The following PECAM1 variants were observed in gnomAD, a reference collection of about 807,000 sequenced individuals.
PECAM1 encodes platelet and endothelial cell adhesion molecule 1.
A neutral mutation model predicts 13.8 loss-of-function variants in PECAM1; 8 were observed. That is an observed-to-expected ratio of 0.58 (90% CI 0.34 to 1.05). The LOEUF (loss-of-function observed/expected upper bound fraction) is 1.05. Among genes scored for constraint, PECAM1 ranks in the 50% least tolerant of loss-of-function variants. The pLI, the probability that PECAM1 is intolerant of heterozygous loss-of-function variation, is 0.03. For synonymous variants in PECAM1, 136 were observed against 52.6 expected (o/e 2.58, Z -6.86); for missense variants, 304 against 141.2 (o/e 2.15, Z -5.84).
In PECAM1 at chr17:64,319,603, G is replaced by A. The variant is rs1318449611; in HGVS notation, c.*4213C>T. On this transcript the variant is annotated 3_prime_UTR_variant, in exon 16 of 16. Transcript: ENST00000563924. ...CTCCCCTGATTCTTCCCTTGCAGCA[G>A]GCTGTCCGCGTATGTGGTGACCTGC... The A allele has an allele frequency of 6.6e-6, 1 of 152,136 alleles. No homozygotes were observed. The highest frequency in any genetic ancestry group is 1.5e-5 in the Non-Finnish European group (1 of 68,032). 9.4% of individuals were successfully genotyped at this position (152,136 alleles called of 1,614,324 possible). A position where few individuals can be genotyped will look rare whatever the true frequency, so the allele number is the denominator to read the frequency against.
chr17:64,361,813 A>G (rs1172997965), intron 6 of PECAM1, among the ~76,000 whole-genome samples: 2 of 151,918 alleles, frequency 1.3e-5, no homozygotes, highest in Non-Finnish European at 2.9e-5. Context: ...GCCTCTTAAC[A>G]GATAAGAATT....
Position 64,341,616 on chromosome 17 carries a change from C to G in PECAM1, c.2164+18G>C, listed in dbSNP as rs2035433276. 2.2e-6 allele frequency: 1 copy of G among 447,308 alleles called. No individual in the cohort carries two copies. The highest frequency in any genetic ancestry group is 2.0e-5 in the African/African-American group (1 of 49,862). 27.7% of individuals were successfully genotyped at this position (447,308 alleles called of 1,614,324 possible). On this transcript the variant is annotated intron_variant, in intron 14 of 15. Coordinates refer to ENST00000563924, the MANE Select transcript of PECAM1 (RefSeq NM_000442.5). Reference sequence around the variant, plus strand: ...AGGGGGCATCCCCCAGGCTGGGGCACTGGAGACCCTCACTCACCAGGGACA... The same window carrying G: ...AGGGGGCATCCCCCAGGCTGGGGCAGTGGAGACCCTCACTCACCAGGGACA...
At chr17:64,346,425 C>T (rs1054401051) in intron 13 of PECAM1, among the ~76,000 whole-genome samples, 2 of 152,164 alleles carry the variant, frequency 1.3e-5, no homozygotes, top group South Asian at 2.1e-4. Flanking sequence ...CAACCTCTGC[C>T]TCCCGGGTTC....
chr17:64,371,785 G>A (rs1405324680), intron 4 of PECAM1, among the ~76,000 whole-genome samples: 2 of 152,110 alleles, frequency 1.3e-5, no homozygotes, highest in East Asian at 1.9e-4. Context: ...AGCCGAGATT[G>A]CGCCACTGCA....
At chr17:64,326,674 G>A (rs1359706621) in intron 15 of PECAM1, among the ~76,000 whole-genome samples, 2 of 152,206 alleles carry the variant, frequency 1.3e-5, no homozygotes, top group Non-Finnish European at 2.9e-5. Flanking sequence ...GGGCACCATT[G>A]CAGAACCAAA....
At chr17:64,369,075 T>C (rs1454965064) in intron 5 of PECAM1, among the ~76,000 whole-genome samples, 1 of 151,186 alleles carries the variant, frequency 6.6e-6, no homozygotes, top group Non-Finnish European at 1.5e-5. Context: ...TAGGTGAGAT[T>C]ACAGGCATGC....
intron 4 of PECAM1, among the ~76,000 whole-genome samples, chr17:64,373,526 C>CTGTGTGTG (rs199493363): frequency 3.8e-4 from 56 of 149,020 alleles, no homozygotes; most frequent in South Asian, 1.9e-3. Context: ...GATGTTTTTT[C>CTGTGTGTG]TGTGTGTGTG....
chr17:64,373,105 T>G (rs2036278533), intron 4 of PECAM1, among the ~76,000 whole-genome samples: 1 of 131,794 alleles, frequency 7.6e-6, no homozygotes, highest in South Asian at 2.7e-4. Flanking sequence ...AGAGTGAAAC[T>G]CTGTCTCAAA....
Position 64,321,318 on chromosome 17 carries a change from G to C in PECAM1, c.*2498C>G, listed in dbSNP as rs569010407. The C allele has an allele frequency of 1.9e-6, 1 of 520,986 alleles. No individual in the cohort carries two copies. The highest frequency in any genetic ancestry group is 2.1e-5 in the African/African-American group (1 of 48,338). 32.3% of individuals were successfully genotyped at this position (520,986 alleles called of 1,614,324 possible). A position where few individuals can be genotyped will look rare whatever the true frequency, so the allele number is the denominator to read the frequency against. ...GGGATGCTTCAGGTTTAGACACCGG[G>C]GTTACGGCAGCTGCCGAGGAAGGCT... On this transcript the variant is annotated 3_prime_UTR_variant, in exon 16 of 16. Transcript: ENST00000563924.
intron 4 of PECAM1, among the ~76,000 whole-genome samples, chr17:64,374,823 G>A: frequency 6.6e-6 from 1 of 151,202 alleles, no homozygotes. Context: ...CAAACAAAAA[G>A]CATCATATAT....
intron 2 of PECAM1, among the ~76,000 whole-genome samples, chr17:64,387,031 C>T (rs1344707950): frequency 6.6e-6 from 1 of 151,978 alleles, no homozygotes; most frequent in Non-Finnish European, 1.5e-5. Flanking sequence ...GAGACCAGGA[C>T]AGGGTTCAGA....
intron 4 of PECAM1, among the ~76,000 whole-genome samples, chr17:64,371,499 C>T (rs1392847701): frequency 2.0e-5 from 3 of 151,756 alleles, no homozygotes; most frequent in African/African-American, 7.3e-5. Flanking sequence ...ATGGTGAGAC[C>T]CTCCATCTCA....
intron 2 of PECAM1, among the ~76,000 whole-genome samples, chr17:64,386,433 T>A (rs9889944): frequency 0.88 from 132,583 of 149,978 alleles, 60,965 homozygotes; most frequent in East Asian, 1. Context: ...AAAGAAAGAA[T>A]ATGTTCTAGA....
intron 4 of PECAM1, among the ~76,000 whole-genome samples, chr17:64,374,081 C>T (rs2143862317): frequency 6.6e-6 from 1 of 152,250 alleles, no homozygotes; most frequent in Non-Finnish European, 1.5e-5. Context: ...CCTCTTTCCT[C>T]CCGATCCCCT....
Position 64,375,055 on chromosome 17 carries a change from C to T in PECAM1, c.687G>A (p.Val229=). The T allele has an allele frequency of 2.1e-6, 1 of 475,286 alleles. No individual in the cohort carries two copies. Among genetic ancestry groups the T allele is most frequent in the Non-Finnish European group, 3.9e-6 (1 of 259,018 alleles). 29.4% of individuals were successfully genotyped at this position (475,286 alleles called of 1,614,324 possible). The change falls in exon 4 of 16, where the codon GTG becomes GTA. Residue 229 remains valine (V), a synonymous_variant. Coordinates refer to ENST00000563924, the MANE Select transcript of PECAM1 (RefSeq NM_000442.5). Reference sequence around the variant, plus strand: ...GGAAGGGAGCAGGATGCTGACCCGTCACGGTGACCAGTTCACTCTTGGTAG... The same window carrying T: ...GGAAGGGAGCAGGATGCTGACCCGTTACGGTGACCAGTTCACTCTTGGTAG... ...SESTKSELVT[V]TESFSTPKFH...
At chr17:64,329,602 G>C in intron 15 of PECAM1, 98 bp downstream of exon 15, 2 of 709,170 alleles carry the variant, frequency 2.8e-6, no homozygotes, top group East Asian at 2.7e-5. Flanking sequence ...AGGGAGCGGG[G>C]AAGAATTCAT....
intron 15 of PECAM1, among the ~76,000 whole-genome samples, 153 bp downstream of exon 15, chr17:64,329,547 C>T (rs1018810225): frequency 2.6e-5 from 4 of 152,142 alleles, no homozygotes; most frequent in Admixed American, 1.3e-4. Context: ...CAGAACTGGC[C>T]AAGGCTAGTC....
intron 4 of PECAM1, 31 bp from the exon 5 acceptor site, chr17:64,370,056 T>C (rs2036205861): frequency 2.5e-6 from 1 of 398,654 alleles, no homozygotes; most frequent in Non-Finnish European, 4.4e-6. Context: ...CTGGTTGGAC[T>C]CAGGTGCAAA....
intron 15 of PECAM1, among the ~76,000 whole-genome samples, chr17:64,326,087 G>A (rs1030292847): frequency 4.6e-5 from 7 of 152,168 alleles, no homozygotes; most frequent in Non-Finnish European, 8.8e-5. Flanking sequence ...CCTAAAGATT[G>A]GATTTTGACA....
Sources: allele counts gnomAD v4.1 joint callset (sites outside exome capture counted in the v4.1 genomes callset), GRCh38; gene constraint gnomAD v4.1.1; transcripts MANE v1.5; gene names NCBI Gene and HGNC (gene_info 2026-07-23, HGNC 2026-07-21).